Variants in LRGUK observed in about 807,000 individuals in gnomAD.
LRGUK encodes leucine-rich repeat and guanylate kinase domain-containing protein.
LRGUK carries 65 observed loss-of-function variants against 76.0 expected under a neutral mutation model. That is an observed-to-expected ratio of 0.85 (90% confidence interval 0.70 to 1.05). The LOEUF is 1.05. LRGUK is among the 50% of genes least tolerant of loss of function. The pLI is 0.00. For missense variants in LRGUK, 758 were observed against 732.8 expected, an observed-to-expected ratio of 1.03 and a Z score of -0.40; for synonymous variants, 268 against 265.6, an observed-to-expected ratio of 1.01 and a Z score of -0.09.
At chr7:134,276,474 A>G in the LRGUK span, among the ~76,000 whole-genome samples, 1 of 152,138 alleles carries the variant, frequency 6.6e-6, no homozygotes, top group Non-Finnish European at 1.5e-5. Context: ...CATTCACAGA[A>G]AGGTGGGGGA....
intron 5 of LRGUK, among the ~76,000 whole-genome samples, chr7:134,157,723 C>T (rs942242219): frequency 1.3e-5 from 2 of 152,166 alleles, no homozygotes; most frequent in Admixed American, 6.5e-5. Flanking sequence ...CGGGGTTTCA[C>T]CGTGTTAGCC....
chr7:134,147,285 A>C (rs914020148), intron 4 of LRGUK, among the ~76,000 whole-genome samples: 4 of 151,044 alleles, frequency 2.6e-5, no homozygotes, highest in African/African-American at 4.9e-5. Context: ...ACAACAACAA[A>C]AAACCCGGGT....
chr7:134,276,026 G>A, the LRGUK span, among the ~76,000 whole-genome samples: 4 of 152,300 alleles, frequency 2.6e-5, no homozygotes, highest in African/African-American at 9.6e-5. Context: ...GACTCATGGT[G>A]ACCCTAAGAC....
At chr7:134,137,240 C>A in intron 2 of LRGUK, 110 bp downstream of exon 2, 1 of 757,968 alleles carries the variant, frequency 1.3e-6, no homozygotes, top group Non-Finnish European at 2.2e-6. Flanking sequence ...CTTGGAGCCT[C>A]GCATTTGATG....
At chr7:134,256,974 C>G (rs982741362) in intron 18 of LRGUK, among the ~76,000 whole-genome samples, 3 of 152,102 alleles carry the variant, frequency 2.0e-5, no homozygotes, top group African/African-American at 7.2e-5. Context: ...TGTAAACAAT[C>G]TTTGGGGTCC....
At chr7:134,224,686 TTAAAA>T (rs1801689993) in intron 16 of LRGUK, among the ~76,000 whole-genome samples, 1 of 151,894 alleles carries the variant, frequency 6.6e-6, no homozygotes, top group African/African-American at 2.4e-5. Context: ...ACCCCTGAAC[TTAAAA>T]TAAAAGCTAA....
rs551882881 is a variant in LRGUK, at chr7:134,178,726, C to G, written c.1214+117C>G. On this transcript the variant is annotated intron_variant, in intron 10 of 15. Transcript: ENST00000645682. The stretch of plus-strand genomic sequence containing the variant: ...TATTTCCTATAAAGGCTGCTTTTTC[C>G]CTTTCTCTGAGGGAAGGGGCCAAGT... 148 of 634,736 alleles carry G rather than the reference C, an allele frequency of 2.3e-4. No homozygotes were observed. In the East Asian group the frequency reaches 4.3e-3, roughly 19 times the overall value. The allele number at this position is 634,736 out of a possible 1,614,324, so 39.3% of individuals were successfully genotyped here.
At chr7:134,145,219 TG>T (rs756326093) in intron 4 of LRGUK, among the ~76,000 whole-genome samples, 1 of 151,984 alleles carries the variant, frequency 6.6e-6, no homozygotes, top group Non-Finnish European at 1.5e-5. Context: ...GGAATGATGG[TG>T]GCCTCCTGGT....
chr7:134,233,994 C>T (rs1368257339), intron 16 of LRGUK, among the ~76,000 whole-genome samples: 1 of 152,100 alleles, frequency 6.6e-6, no homozygotes, highest in Non-Finnish European at 1.5e-5. Flanking sequence ...TTTTTTAGCT[C>T]ATCAGCTATT....
chr7:134,215,194 C>T (rs1801404568), downstream of LRGUK, among the ~76,000 whole-genome samples: 1 of 151,554 alleles, frequency 6.6e-6, no homozygotes, highest in South Asian at 2.1e-4. Context: ...TATCATGACC[C>T]AGTAAACACA....
At chr7:134,270,928 C>T in the LRGUK span, among the ~76,000 whole-genome samples, 3 of 151,954 alleles carry the variant, frequency 2.0e-5, no homozygotes, top group African/African-American at 7.2e-5. Context: ...ATGCTCTCAC[C>T]AACACGTAAG....
chr7:134,175,026 G>A (rs1799424152), intron 8 of LRGUK, among the ~76,000 whole-genome samples: 1 of 152,218 alleles, frequency 6.6e-6, no homozygotes, highest in Non-Finnish European at 1.5e-5. Flanking sequence ...GAGACAGAAT[G>A]TGGTTCCTAT....
chr7:134,175,517 C>T (rs1799442180), intron 8 of LRGUK, among the ~76,000 whole-genome samples: 1 of 152,056 alleles, frequency 6.6e-6, no homozygotes, highest in Admixed American at 6.6e-5. Flanking sequence ...GTTTCAAATC[C>T]CTGAAGGGTG....
intron 2 of LRGUK, 130 bp from the exon 3 acceptor site, chr7:134,139,306 T>G: frequency 1.6e-6 from 1 of 619,744 alleles, no homozygotes; most frequent in East Asian, 3.1e-5. Context: ...AGGCTTCAGA[T>G]TTTGTTCTCT....
exon 16 of LRGUK, chr7:134,209,396 C>G (rs1458776367): frequency 2.5e-6 from 1 of 399,100 alleles, no homozygotes; most frequent in Non-Finnish European, 4.4e-6. Flanking sequence ...TCAGCAAGCT[C>G]TGAAGGAGGA....
chr7:134,134,155 G>C (rs1285804324), intron 1 of LRGUK, among the ~76,000 whole-genome samples: 1 of 152,170 alleles, frequency 6.6e-6, no homozygotes, highest in African/African-American at 2.4e-5. Flanking sequence ...TCTGAGAAAG[G>C]TGTCTATCTG....
At chr7:134,127,573 A>C (rs748822303) in exon 1 of LRGUK, 3 of 1,614,204 alleles carry the variant, frequency 1.9e-6, no homozygotes, top group Non-Finnish European at 2.5e-6. Flanking sequence ...ATGCACCGCT[A>C]TCAGGAGCTG....
intron 10 of LRGUK, 34 bp from the exon 11 acceptor site, chr7:134,183,700 C>T: frequency 6.2e-7 from 1 of 1,612,120 alleles, no homozygotes; most frequent in Non-Finnish European, 8.5e-7. Context: ...TCCCTGACTG[C>T]AATAGGAGAA....
At chr7:134,184,292 C>T (rs6975086) in intron 11 of LRGUK, among the ~76,000 whole-genome samples, 2,589 of 149,136 alleles carry the variant, frequency 0.017, 77 homozygotes, top group African/African-American at 0.056. Context: ...TTTTTTGATA[C>T]GGAATCTGGC....
Sources: allele counts gnomAD v4.1 joint callset (sites outside exome capture counted in the v4.1 genomes callset), GRCh38; gene constraint gnomAD v4.1.1; transcripts MANE v1.5; gene names NCBI Gene and HGNC (gene_info 2026-07-23, HGNC 2026-07-21).